The following RFPL1 variants were observed in gnomAD, a reference collection of about 807,000 sequenced individuals.
RFPL1 encodes the protein ret finger protein-like 1.
A neutral mutation model predicts 9.6 loss-of-function variants in RFPL1; 6 were observed. The observed-to-expected ratio is 0.62, with a 90% CI of 0.34 to 1.23. The LOEUF is 1.23. Ranked by LOEUF, RFPL1 falls within the 50% of genes most tolerant of loss-of-function variation. The pLI, the probability that RFPL1 is intolerant of heterozygous loss-of-function variation, is 0.03. For missense variants in RFPL1, 352 were observed against 398.4 expected, an observed-to-expected ratio of 0.88 and a Z score of 0.99; for synonymous variants, 145 against 149.4, an observed-to-expected ratio of 0.97 and a Z score of 0.22.
chr22:29,423,728 A>G, the RFPL1 span, among the ~76,000 whole-genome samples: 1 of 152,222 alleles, frequency 6.6e-6, no homozygotes. Context: ...GAAAATACCA[A>G]GCTTAAAAGG....
the RFPL1 span, among the ~76,000 whole-genome samples, chr22:29,405,360 T>A: frequency 1.4e-4 from 22 of 152,210 alleles, no homozygotes; most frequent in Non-Finnish European, 2.8e-4. Flanking sequence ...ACCTGATGGG[T>A]GATTTAGGTA....
the RFPL1 span, among the ~76,000 whole-genome samples, chr22:29,396,665 A>G: frequency 6.6e-6 from 1 of 152,006 alleles, no homozygotes; most frequent in Non-Finnish European, 1.5e-5. Context: ...TAGAGGTTGG[A>G]GGGAGGTCTT....
At chr22:29,414,676 G>A in the RFPL1 span, among the ~76,000 whole-genome samples, 5 of 152,018 alleles carry the variant, frequency 3.3e-5, no homozygotes, top group African/African-American at 7.2e-5. Context: ...TCAGACCTTT[G>A]TATGGTAATT....
the RFPL1 span, among the ~76,000 whole-genome samples, chr22:29,392,622 T>A: frequency 3.3e-5 from 5 of 152,050 alleles, no homozygotes; most frequent in South Asian, 1.0e-3. Context: ...ACTCCTGACC[T>A]CAAGGGATCC....
upstream of RFPL1, among the ~76,000 whole-genome samples, chr22:29,435,783 G>A (rs1229180736): frequency 1.3e-5 from 2 of 152,172 alleles, no homozygotes; most frequent in African/African-American, 4.8e-5. Context: ...TTATATTCAA[G>A]TTATTTGAAA....
the RFPL1 span, among the ~76,000 whole-genome samples, chr22:29,417,942 T>TG: frequency 6.7e-6 from 1 of 149,692 alleles, no homozygotes; most frequent in African/African-American, 2.5e-5. Context: ...TGAATGGTTT[T>TG]TTTTTTTTTT....
At chr22:29,391,149 A>G in the RFPL1 span, among the ~76,000 whole-genome samples, 4 of 152,006 alleles carry the variant, frequency 2.6e-5, no homozygotes, top group African/African-American at 9.7e-5. Context: ...CTCAAAAAAA[A>G]TAAAAATAAA....
chr22:29,406,810 C>T, the RFPL1 span, among the ~76,000 whole-genome samples: 3 of 152,318 alleles, frequency 2.0e-5, no homozygotes, highest in South Asian at 2.1e-4. Flanking sequence ...CAGGTTTGGA[C>T]GCCCGCTCCA....
At chr22:29,437,953 A>ATT (rs3044138), upstream of RFPL1, 45,801 of 260,458 alleles carry the variant, frequency 0.18, 3,593 homozygotes, top group East Asian at 0.51. Context: ...GAAGGATGTG[A>ATT]TTTTTTTTTT....
At chr22:29,431,125 CG>C in the RFPL1 span, among the ~76,000 whole-genome samples, 1 of 152,032 alleles carries the variant, frequency 6.6e-6, no homozygotes, top group South Asian at 2.1e-4. Context: ...ACTGAGCTGT[CG>C]GTGGAAGCTA....
the RFPL1 span, among the ~76,000 whole-genome samples, chr22:29,389,456 G>A: frequency 4.6e-5 from 7 of 151,242 alleles, no homozygotes; most frequent in Non-Finnish European, 1.0e-4. Flanking sequence ...GGAGGCCGAG[G>A]CGGGCGGATC....
chr22:29,424,843 C>T, the RFPL1 span, among the ~76,000 whole-genome samples: 17 of 120,630 alleles, frequency 1.4e-4, no homozygotes, highest in African/African-American at 5.0e-4. Flanking sequence ...ACCCCCCCCC[C>T]CGCAAAATTG....
upstream of RFPL1, among the ~76,000 whole-genome samples, chr22:29,433,742 C>T (rs1398314637): frequency 6.6e-6 from 1 of 152,120 alleles, no homozygotes; most frequent in Admixed American, 6.6e-5. Flanking sequence ...GAAAATATAA[C>T]ATTTAAGTCA....
the RFPL1 span, among the ~76,000 whole-genome samples, chr22:29,418,493 C>T: frequency 7.0e-6 from 1 of 143,262 alleles, no homozygotes; most frequent in Non-Finnish European, 1.5e-5. Flanking sequence ...TCTTCTTCGT[C>T]TTCTTTTTTT....
chr22:29,388,843 A>G, the RFPL1 span, among the ~76,000 whole-genome samples: 1 of 152,150 alleles, frequency 6.6e-6, no homozygotes, highest in Non-Finnish European at 1.5e-5. Context: ...TGAGGTTCTA[A>G]GAGGGGCAGG....
chr22:29,432,918 T>C, the RFPL1 span: 1 of 152,214 alleles, frequency 6.6e-6, no homozygotes, highest in East Asian at 1.9e-4. Context: ...TCCAATATCA[T>C]GTACCGTTTC....
At chr22:29,403,053 A>C in the RFPL1 span, among the ~76,000 whole-genome samples, 4 of 150,356 alleles carry the variant, frequency 2.7e-5, no homozygotes, top group Non-Finnish European at 4.4e-5. Context: ...CTGGTAGTGG[A>C]AGGAGGAGCT....
At chr22:29,405,666 A>G in the RFPL1 span, among the ~76,000 whole-genome samples, 16 of 152,324 alleles carry the variant, frequency 1.1e-4, no homozygotes, top group South Asian at 2.1e-3. Flanking sequence ...CAGGGAACCA[A>G]CTACATTCTT....
chr22:29,421,078 C>T, the RFPL1 span, among the ~76,000 whole-genome samples: 1 of 152,138 alleles, frequency 6.6e-6, no homozygotes, highest in East Asian at 1.9e-4. Flanking sequence ...AACGTAAACC[C>T]AATGCCAGCA....
Sources: gnomAD v4.1 joint callset for allele counts (sites outside exome capture counted in the v4.1 genomes callset) on GRCh38, gnomAD v4.1.1 for gene constraint, MANE v1.5 for transcripts, NCBI Gene and HGNC (gene_info 2026-07-23, HGNC 2026-07-21) for gene names.